OSBPL3: variants seen among roughly 807,000 people sequenced by gnomAD.
OSBPL3 encodes the protein oxysterol binding protein like 3.
In OSBPL3, 65 loss-of-function variants were observed where a neutral mutation model predicts 120.1. That is an observed-to-expected ratio of 0.54 (90% CI 0.44 to 0.67). The LOEUF is 0.67. Among genes scored for constraint, OSBPL3 ranks in the 30% least tolerant of loss-of-function variants. OSBPL3 has a pLI of 0.00. For missense variants in OSBPL3, 1,004 were observed against 1,082.1 expected, an observed-to-expected ratio of 0.93 and a Z score of 1.01; for synonymous variants, 416 against 402.6, an observed-to-expected ratio of 1.03 and a Z score of -0.40.
rs1490094850 is a variant in OSBPL3, at chr7:24,932,358, GA to G, written c.-149-39738del. On this transcript the variant is annotated intron_variant, in intron 1 of 22. Transcript: ENST00000313367. This position sits in a 1 kb window ranked among gnomAD's most constrained non-coding sequence, Gnocchi z 5.6. Reference sequence around the variant, plus strand: ...GGGTCTGAGATAGGTTAGAATGCAAGAGCAAGAGAACACCACCAACACAAAC... The same window carrying G: ...GGGTCTGAGATAGGTTAGAATGCAAGGCAAGAGAACACCACCAACACAAAC... Among the ~76,000 whole-genome samples, 2 of 152,150 alleles carry G rather than the reference GA, an allele frequency of 1.3e-5. No individual in the cohort carries two copies. The highest frequency in any genetic ancestry group is 2.4e-5 in the African/African-American group (1 of 41,434).
intron 13 of OSBPL3, among the ~76,000 whole-genome samples, chr7:24,842,040 A>G (rs1797845609): frequency 6.6e-6 from 1 of 152,164 alleles, no homozygotes; most frequent in African/African-American, 2.4e-5. Context: ...AACAAATTTA[A>G]CATATCAAGT....
intron 1 of OSBPL3, among the ~76,000 whole-genome samples, chr7:24,976,102 C>T (rs1380598259): frequency 6.6e-6 from 1 of 152,096 alleles, no homozygotes; most frequent in Non-Finnish European, 1.5e-5. Context: ...TGAGATCCAC[C>T]ATATGTTAGT....
rs1013075645 is a variant in OSBPL3 at position 24,953,132 on chromosome 7, G to A, written c.-150+26754C>T. 2.5e-4 allele frequency among the ~76,000 whole-genome samples: 38 copies of A among 152,118 alleles called. No individual in the cohort carries two copies. The highest frequency in any genetic ancestry group is 6.0e-4 in the African/African-American group (25 of 41,436). ...AGCCTGGACGACAGAGTGAGACCCC[G>A]TCTCTAAAAGGTAAATAAATACATA... On this transcript the variant is annotated intron_variant, in intron 1 of 22. Transcript: ENST00000313367. This position sits in a 1 kb window ranked among gnomAD's most constrained non-coding sequence, Gnocchi z 4.3.
chr7:24,876,017 G>A (rs185842887), intron 2 of OSBPL3, among the ~76,000 whole-genome samples: 7 of 152,256 alleles, frequency 4.6e-5, no homozygotes, highest in Admixed American at 4.6e-4. Flanking sequence ...AGTAAGTCCT[G>A]TTGGTTCCAT....
In OSBPL3 at chr7:24,939,799, G is replaced by GA. The variant is rs1159315389; in HGVS notation, c.-150+40086dup. Among the ~76,000 whole-genome samples, 3 of 152,212 alleles carry GA rather than the reference G, an allele frequency of 2.0e-5. No homozygotes were observed. Among genetic ancestry groups the GA allele is most frequent in the South Asian group, 2.1e-4 (1 of 4,822 alleles). ...ACCCAGTTCAGTCACTGAGAAGGGG[G>GA]AAAAAATCAGTAACAGGGGGCTATA... On this transcript the variant is annotated intron_variant, in intron 1 of 22. Coordinates refer to ENST00000313367, the MANE Select transcript of OSBPL3 (RefSeq NM_015550.4). This position sits in a 1 kb window ranked among gnomAD's most constrained non-coding sequence, Gnocchi z 4.2.
chr7:24,858,817 G>A (rs1461750464), intron 10 of OSBPL3, among the ~76,000 whole-genome samples: 1 of 152,188 alleles, frequency 6.6e-6, no homozygotes, highest in Non-Finnish European at 1.5e-5. Context: ...GGCAACCTTT[G>A]TCCTGCTGAG....
intron 2 of OSBPL3, among the ~76,000 whole-genome samples, chr7:24,884,299 G>A (rs762519955): frequency 7.2e-5 from 11 of 152,232 alleles, no homozygotes; most frequent in South Asian, 2.1e-4. Context: ...GTTGGTTGCC[G>A]GGTCACCTAC....
In OSBPL3 at chr7:24,930,963, C is replaced by A. The variant is rs1381537496; in HGVS notation, c.-149-38342G>T. Among the ~76,000 whole-genome samples, 1 of 152,160 alleles carries A rather than the reference C, an allele frequency of 6.6e-6. No individual in the cohort carries two copies. Among genetic ancestry groups the A allele is most frequent in the Non-Finnish European group, 1.5e-5 (1 of 68,042 alleles). On this transcript the variant is annotated intron_variant, in intron 1 of 22. Transcript: ENST00000313367. The surrounding 1 kb of genome is among the most constrained non-coding windows in gnomAD (Gnocchi z 4.4). ...TTCCAAAAATTATTTAACATTCTCACAGGAAGTACGTGTTCAGAGGCAAAA... is the reference window on the plus strand; with the variant it reads ...TTCCAAAAATTATTTAACATTCTCAAAGGAAGTACGTGTTCAGAGGCAAAA...
At chr7:24,840,847 A>G (rs1797651944) in intron 13 of OSBPL3, 64 bp from the exon 14 acceptor site, 1 of 727,044 alleles carries the variant, frequency 1.4e-6, no homozygotes, top group Admixed American at 2.7e-5. Flanking sequence ...TTTTCATAAA[A>G]CCCTTACTCT....
intron 14 of OSBPL3, among the ~76,000 whole-genome samples, chr7:24,836,446 C>G (rs1797008635): frequency 6.6e-6 from 1 of 152,198 alleles, no homozygotes; most frequent in Non-Finnish European, 1.5e-5. Context: ...TAACACCATA[C>G]TCTCTTGTTT....
chr7:24,850,939 G>C (rs1799075767), intron 11 of OSBPL3, among the ~76,000 whole-genome samples: 1 of 152,216 alleles, frequency 6.6e-6, no homozygotes, highest in East Asian at 1.9e-4. Flanking sequence ...GGTTTTATCT[G>C]AAGTTTCCAA....
At chr7:24,874,687 A>T (rs1009313727) in intron 2 of OSBPL3, among the ~76,000 whole-genome samples, 3 of 151,974 alleles carry the variant, frequency 2.0e-5, no homozygotes, top group Admixed American at 1.3e-4. Context: ...TTTTTCCTAC[A>T]AAATATTGTG....
At position 24,916,866 on chromosome 7, in the gene OSBPL3, C is replaced by G. The variant is rs556199105; in HGVS notation, c.-149-24245G>C. On this transcript the variant is annotated intron_variant, in intron 1 of 22. Transcript: ENST00000313367. This position sits in a 1 kb window ranked among gnomAD's most constrained non-coding sequence, Gnocchi z 4.9. ...GTTACACCACAATGGTGACATATAC[C>G]AACACACACAAACCAGGTTTACTGG... Among the ~76,000 whole-genome samples, 3 of 151,952 alleles carry G rather than the reference C, an allele frequency of 2.0e-5. No homozygotes were observed. The South Asian group carries it at 6.2e-4, about 32-fold the overall frequency.
Position 24,820,060 on chromosome 7 carries a change from G to A in OSBPL3, c.1948+115C>T. The A allele has an allele frequency of 1.4e-6, 1 of 705,842 alleles. No homozygotes were observed. The highest frequency in any genetic ancestry group is 2.4e-6 in the Non-Finnish European group (1 of 410,250). The allele number at this position is 705,842 out of a possible 1,614,324, so 43.7% of individuals were successfully genotyped here. On this transcript the variant is annotated intron_variant, in intron 17 of 22. Transcript: ENST00000313367. The surrounding 1 kb of genome is among the most constrained non-coding windows in gnomAD (Gnocchi z 4.6). The stretch of plus-strand genomic sequence containing the variant: ...AGGTGGCGCAGATCCTTCCAACCAG[G>A]CCCAAATCCAAGGACCACTTTTGAT...
rs370378033 is a variant in OSBPL3, at chr7:24,866,092, A to C, written c.527T>G (p.Phe176Cys). The change falls in exon 6 of 23, where the codon TTT becomes TGT. Residue 176 changes from phenylalanine to cysteine, a missense_variant. By Grantham distance (205) the Phe-to-Cys change is radical. This residue lies in a region of OSBPL3 where 255 missense variants were observed against 248.7 expected (regional missense o/e 1.03). Transcript: ENST00000313367. Reference sequence around the variant, plus strand: ...TACCTTCCTACTTGAAATGGAGTCAAACACCCCAGATGAAGAGTCTGTGAT... The same window carrying C: ...TACCTTCCTACTTGAAATGGAGTCACACACCCCAGATGAAGAGTCTGTGAT... ...STITDSSSGV[F>C]DSISSRKRSS... 1.9e-5 allele frequency: 31 copies of C among 1,613,794 alleles called. No homozygotes were observed. Among genetic ancestry groups the C allele is most frequent in the Non-Finnish European group, 2.5e-5 (29 of 1,179,822 alleles).
chr7:24,837,314 C>T (rs1347044648), intron 14 of OSBPL3, among the ~76,000 whole-genome samples: 1 of 152,106 alleles, frequency 6.6e-6, no homozygotes, highest in Non-Finnish European at 1.5e-5. Context: ...AACAATTGTT[C>T]CACCTCAGTC....
chr7:24,815,229 A>G lies in OSBPL3; in HGVS notation c.2028-26T>C, dbSNP rs1794327359. Reference sequence around the variant, plus strand: ...CTAAAAAGAAGGAAAAAGTAGAAGTACCAATTTCTAGAAGAGCCAGCAGCA... The same window carrying G: ...CTAAAAAGAAGGAAAAAGTAGAAGTGCCAATTTCTAGAAGAGCCAGCAGCA... On this transcript the variant is annotated intron_variant, in intron 18 of 22. Transcript: ENST00000313367. The surrounding 1 kb of genome is among the most constrained non-coding windows in gnomAD (Gnocchi z 5.1). 1.2e-5 allele frequency: 20 copies of G among 1,600,232 alleles called. No homozygotes were observed. The highest frequency in any genetic ancestry group is 1.5e-5 in the Non-Finnish European group (18 of 1,171,082).
rs997964407 is a variant in OSBPL3 at position 24,952,404 on chromosome 7, C to A, written c.-150+27482G>T. 6.6e-6 allele frequency among the ~76,000 whole-genome samples: 1 copy of A among 152,218 alleles called. No homozygotes were observed. The highest frequency in any genetic ancestry group is 1.5e-5 in the Non-Finnish European group (1 of 68,042). The stretch of plus-strand genomic sequence containing the variant: ...TATACCGGTTATCTAGGTCTCCTGA[C>A]ATTCAATACAATGCCCTGTAGCAAA... On this transcript the variant is annotated intron_variant, in intron 1 of 22. Transcript: ENST00000313367. This position sits in a 1 kb window ranked among gnomAD's most constrained non-coding sequence, Gnocchi z 4.4.
At chr7:24,971,675 C>CA (rs764280395) in intron 1 of OSBPL3, among the ~76,000 whole-genome samples, 2 of 152,222 alleles carry the variant, frequency 1.3e-5, no homozygotes, top group Non-Finnish European at 2.9e-5. Flanking sequence ...AACCAAACAG[C>CA]AAGTGACTGC....
Sources: allele counts gnomAD v4.1 joint callset (sites outside exome capture counted in the v4.1 genomes callset), GRCh38; gene constraint gnomAD v4.1.1; regional missense constraint gnomAD v4.1.1; non-coding constraint Gnocchi (gnomAD v3.1); transcripts MANE v1.5; gene names NCBI Gene and HGNC (gene_info 2026-07-23, HGNC 2026-07-21).